Variants in FSTL4 observed in about 807,000 individuals in gnomAD.
FSTL4 encodes the protein follistatin-related protein 4.
FSTL4 carries 28 observed loss-of-function variants against 78.2 expected under a neutral mutation model. The observed-to-expected ratio is 0.36, with a 90% CI of 0.27 to 0.49. FSTL4 has a LOEUF of 0.49. FSTL4 is among the 20% of genes least tolerant of loss of function. FSTL4 has a pLI of 0.98. For synonymous variants in FSTL4, 422 were observed against 440.5 expected, an observed-to-expected ratio of 0.96 and a Z score of 0.53; for missense variants, 922 against 1,084.9, an observed-to-expected ratio of 0.85 and a Z score of 2.11.
chr5:133,757,599 C>T, the FSTL4 span, among the ~76,000 whole-genome samples: 1 of 152,128 alleles, frequency 6.6e-6, no homozygotes, highest in Non-Finnish European at 1.5e-5. Context: ...ATTCCAGCAG[C>T]CCCACCCTCA....
chr5:133,720,706 G>A, the FSTL4 span: 1 of 152,942 alleles, frequency 6.5e-6, no homozygotes, highest in East Asian at 1.9e-4. Flanking sequence ...ATGCCACTGA[G>A]GATCATACTC....
chr5:133,737,015 C>T, the FSTL4 span, among the ~76,000 whole-genome samples: 14,188 of 152,064 alleles, frequency 0.093, 906 homozygotes, highest in Admixed American at 0.15. Context: ...ATGTTAAATA[C>T]GCACATCATG....
chr5:133,511,292 T>C (rs989180667), intron 3 of FSTL4, among the ~76,000 whole-genome samples: 1 of 152,196 alleles, frequency 6.6e-6, no homozygotes, highest in Middle Eastern at 3.2e-3. Context: ...TTGCATGTGC[T>C]CTTCTTCTTT....
chr5:133,656,887 G>A, the FSTL4 span, among the ~76,000 whole-genome samples: 5 of 152,294 alleles, frequency 3.3e-5, no homozygotes, highest in East Asian at 3.9e-4. Flanking sequence ...TGACGGATAC[G>A]TTGACTTGCA....
chr5:133,397,338 A>G (rs1476193494), intron 4 of FSTL4, among the ~76,000 whole-genome samples: 1 of 152,222 alleles, frequency 6.6e-6, no homozygotes, highest in East Asian at 1.9e-4. Flanking sequence ...GAAGAGATAC[A>G]TCTTTCCCAC....
the FSTL4 span, among the ~76,000 whole-genome samples, chr5:133,733,210 A>G: frequency 6.6e-6 from 1 of 152,252 alleles, no homozygotes; most frequent in Non-Finnish European, 1.5e-5. Context: ...TTCATTGGTT[A>G]TAACACTCTT....
chr5:133,838,224 G>T, the FSTL4 span, among the ~76,000 whole-genome samples: 3 of 152,188 alleles, frequency 2.0e-5, no homozygotes, highest in East Asian at 1.9e-4. Context: ...GGCCCTTTGA[G>T]CCAAGCTCTT....
At chr5:133,272,366 G>A (rs1752786223) in intron 6 of FSTL4, among the ~76,000 whole-genome samples, 1 of 152,248 alleles carries the variant, frequency 6.6e-6, no homozygotes, top group South Asian at 2.1e-4. Flanking sequence ...AGTTTGCCCA[G>A]CGTGGTGGTA....
At chr5:133,280,433 A>G (rs1422003578) in intron 6 of FSTL4, among the ~76,000 whole-genome samples, 1 of 152,126 alleles carries the variant, frequency 6.6e-6, no homozygotes, top group East Asian at 1.9e-4. Context: ...GAGTTGAGTT[A>G]TTCCCAGTCA....
At chr5:133,246,355 G>A (rs1304833384) in intron 7 of FSTL4, among the ~76,000 whole-genome samples, 1 of 152,196 alleles carries the variant, frequency 6.6e-6, no homozygotes, top group Non-Finnish European at 1.5e-5. Flanking sequence ...AGTGAATCCC[G>A]ATGACCTGGC....
intron 14 of FSTL4, among the ~76,000 whole-genome samples, chr5:133,209,393 TGAGAGA>T (rs150058257): frequency 6.6e-6 from 1 of 150,712 alleles, no homozygotes; most frequent in South Asian, 2.1e-4. Context: ...CCTTGGGTTC[TGAGAGA>T]GAGAGAGAGA....
intron 3 of FSTL4, among the ~76,000 whole-genome samples, chr5:133,560,806 G>T (rs1244676114): frequency 6.6e-6 from 1 of 151,834 alleles, no homozygotes; most frequent in Non-Finnish European, 1.5e-5. Flanking sequence ...TAATTCTTCG[G>T]CCAGGAGTGG....
chr5:133,733,390 C>G, the FSTL4 span, among the ~76,000 whole-genome samples: 1 of 152,184 alleles, frequency 6.6e-6, no homozygotes, highest in Non-Finnish European at 1.5e-5. Context: ...ACATTGGGTA[C>G]CTCCTGATAT....
chr5:133,415,733 G>A (rs936242432), intron 3 of FSTL4, among the ~76,000 whole-genome samples: 2 of 152,118 alleles, frequency 1.3e-5, no homozygotes, highest in African/African-American at 2.4e-5. Context: ...TGAGTGGTGC[G>A]GCAGCGTGGC....
chr5:133,694,774 C>G, the FSTL4 span, among the ~76,000 whole-genome samples: 1 of 152,198 alleles, frequency 6.6e-6, no homozygotes, highest in Admixed American at 6.5e-5. Flanking sequence ...GTCAGTAAAT[C>G]TGGTGTCTAG....
intron 4 of FSTL4, among the ~76,000 whole-genome samples, chr5:133,347,406 G>T (rs971389796): frequency 6.6e-6 from 1 of 152,150 alleles, no homozygotes; most frequent in Non-Finnish European, 1.5e-5. Flanking sequence ...GAGTGCAGTG[G>T]TGTGATCTCA....
chr5:133,271,123 C>T (rs1346028228), intron 6 of FSTL4, among the ~76,000 whole-genome samples: 8 of 152,206 alleles, frequency 5.3e-5, no homozygotes, highest in Non-Finnish European at 1.5e-5. Context: ...TCTCAGTCTC[C>T]TGGGTAACTG....
the FSTL4 span, among the ~76,000 whole-genome samples, chr5:133,675,434 G>C: frequency 7.5e-4 from 115 of 152,372 alleles, no homozygotes; most frequent in Admixed American, 1.1e-3. Context: ...GTGGCCAGAA[G>C]GCTGTGGGTC....
intron 2 of FSTL4, among the ~76,000 whole-genome samples, chr5:133,595,273 G>A (rs1336983870): frequency 6.6e-6 from 1 of 152,202 alleles, no homozygotes; most frequent in Non-Finnish European, 1.5e-5. Flanking sequence ...AAGTTAAGAA[G>A]ATTTGAAACT....
Sources: allele counts gnomAD v4.1 joint callset (sites outside exome capture counted in the v4.1 genomes callset), GRCh38; gene constraint gnomAD v4.1.1; transcripts MANE v1.5; gene names NCBI Gene and HGNC (gene_info 2026-07-23, HGNC 2026-07-21).